The following PREX1 variants were observed in gnomAD, a reference collection of about 807,000 sequenced individuals.
PREX1 encodes phosphatidylinositol 3,4,5-trisphosphate-dependent Rac exchanger 1 protein.
In PREX1, 41 loss-of-function variants were observed where a neutral mutation model predicts 198.3. The ratio of observed to expected loss-of-function variants is 0.21; its 90% CI spans 0.16 to 0.27. PREX1 has a LOEUF of 0.27. Among genes scored for constraint, PREX1 ranks in the 10% least tolerant of loss-of-function variants. PREX1 has a pLI of 1.00. For synonymous variants in PREX1, 843 were observed against 887.2 expected (o/e 0.95, Z 0.89); for missense variants, 1,620 against 2,200.7 (o/e 0.74, Z 5.28).
the PREX1 span, among the ~76,000 whole-genome samples, chr20:48,840,666 G>A: frequency 6.6e-6 from 1 of 152,166 alleles, no homozygotes; most frequent in Non-Finnish European, 1.5e-5. Flanking sequence ...CTACCAAGGG[G>A]TCATTGCTAG....
At chr20:48,835,003 C>T in the PREX1 span, among the ~76,000 whole-genome samples, 5 of 152,230 alleles carry the variant, frequency 3.3e-5, no homozygotes, top group Admixed American at 2.0e-4. Flanking sequence ...CTGACACCAG[C>T]CTCAGCCTCC....
intron 9 of PREX1, 46 bp from the exon 10 acceptor site, chr20:48,688,850 G>T: frequency 6.2e-7 from 1 of 1,611,280 alleles, no homozygotes. Flanking sequence ...CAGGCCCAGG[G>T]CAGGGGGGGT....
chr20:48,753,373 G>A lies in PREX1; in HGVS notation c.220-5493C>T, dbSNP rs2090142512. ...CACCTGTCGCCCTAACCTGAGCCCA[G>A]TGGTTCTCAACTTGGGGGTGATTTT... On this transcript the variant is annotated intron_variant, in intron 1 of 39. Transcript: ENST00000371941. Among the ~76,000 whole-genome samples, 3 of 152,292 alleles carry A rather than the reference G, an allele frequency of 2.0e-5. No individual in the cohort carries two copies. The South Asian group carries it at 6.2e-4, about 32-fold the overall frequency.
chr20:48,821,508 G>A (rs2090484588), intron 1 of PREX1, among the ~76,000 whole-genome samples: 1 of 152,176 alleles, frequency 6.6e-6, no homozygotes, highest in Non-Finnish European at 1.5e-5. Context: ...CAGGTTTGAG[G>A]GGCAGCCCAC....
At chr20:48,795,840 C>G (rs1269583320) in intron 1 of PREX1, among the ~76,000 whole-genome samples, 4 of 152,206 alleles carry the variant, frequency 2.6e-5, no homozygotes, top group African/African-American at 9.6e-5. Flanking sequence ...CCCAGGAGCT[C>G]AGCCCCAAGC....
At chr20:48,882,770 C>T in the PREX1 span, among the ~76,000 whole-genome samples, 1 of 151,914 alleles carries the variant, frequency 6.6e-6, no homozygotes, top group Non-Finnish European at 1.5e-5. Context: ...TTATTTTATC[C>T]TCACTAGTGG....
At chr20:48,707,192 G>A (rs897089995) in intron 6 of PREX1, among the ~76,000 whole-genome samples, 1 of 152,160 alleles carries the variant, frequency 6.6e-6, no homozygotes, top group Non-Finnish European at 1.5e-5. Context: ...AGCACAAGGG[G>A]TGGCCTCCAC....
intron 2 of PREX1, among the ~76,000 whole-genome samples, chr20:48,746,260 C>T (rs193177242): frequency 6.6e-6 from 1 of 152,294 alleles, no homozygotes. Flanking sequence ...TGAGCTCAGG[C>T]AATCTGCCTG....
At chr20:48,866,222 T>A in the PREX1 span, among the ~76,000 whole-genome samples, 2 of 152,300 alleles carry the variant, frequency 1.3e-5, no homozygotes, top group African/African-American at 4.8e-5. Flanking sequence ...TTTTTTACTT[T>A]GTGCATGTTT....
At chr20:48,702,044 TAC>T (rs1568831032) in intron 6 of PREX1, among the ~76,000 whole-genome samples, 2 of 151,904 alleles carry the variant, frequency 1.3e-5, no homozygotes, top group African/African-American at 4.8e-5. Context: ...ACCCCATCTC[TAC>T]AAAAATACAA....
intron 1 of PREX1, among the ~76,000 whole-genome samples, chr20:48,821,464 A>G (rs2090484305): frequency 6.6e-6 from 1 of 152,174 alleles, no homozygotes; most frequent in Non-Finnish European, 1.5e-5. Context: ...ACCTGGCCCC[A>G]TGTCTGGGGA....
chr20:48,882,072 G>T, the PREX1 span, among the ~76,000 whole-genome samples: 1 of 152,192 alleles, frequency 6.6e-6, no homozygotes, highest in East Asian at 1.9e-4. Flanking sequence ...CCATGCTACA[G>T]CATGTATCAG....
At chr20:48,722,291 G>A (rs1955653374) in intron 5 of PREX1, among the ~76,000 whole-genome samples, 1 of 152,166 alleles carries the variant, frequency 6.6e-6, no homozygotes, top group East Asian at 1.9e-4. Flanking sequence ...AAGGAAGGAG[G>A]CACCGACACG....
chr20:48,793,560 T>C lies in PREX1; in HGVS notation c.219+34082A>G, dbSNP rs191791143. Among the ~76,000 whole-genome samples, 85 of 152,350 alleles carry C rather than the reference T, an allele frequency of 5.6e-4. 1 individual carries two copies. Among genetic ancestry groups the C allele is most frequent in the Middle Eastern group, 3.4e-3 (1 of 294 alleles). On this transcript the variant is annotated intron_variant, in intron 1 of 39. Transcript: ENST00000371941. ...ATGTTCCTCTATATCCACATCGATG[T>C]TGAAAGTAGAGAGACAAAGTTAGGG...
intron 1 of PREX1, among the ~76,000 whole-genome samples, chr20:48,814,905 T>C (rs890623454): frequency 2.0e-5 from 3 of 151,982 alleles, no homozygotes; most frequent in Non-Finnish European, 2.9e-5. Flanking sequence ...ATGATGCCTG[T>C]AGGAGATGCA....
At chr20:48,782,960 C>T (rs1029041707) in intron 1 of PREX1, among the ~76,000 whole-genome samples, 2 of 152,112 alleles carry the variant, frequency 1.3e-5, no homozygotes, top group Admixed American at 6.5e-5. Flanking sequence ...GCTACAGCAA[C>T]AGGCCAAGCA....
At chr20:48,882,893 C>T in the PREX1 span, among the ~76,000 whole-genome samples, 1 of 144,746 alleles carries the variant, frequency 6.9e-6, no homozygotes. Context: ...AAAGGAGTGT[C>T]TATTCAAATT....
In PREX1 at chr20:48,827,312, G is replaced by A. The variant is rs1194667215; in HGVS notation, c.219+330C>T. Among the ~76,000 whole-genome samples, 1 of 152,242 alleles carries A rather than the reference G, an allele frequency of 6.6e-6. No homozygotes were observed. Among genetic ancestry groups the A allele is most frequent in the Non-Finnish European group, 1.5e-5 (1 of 68,038 alleles). Reference sequence around the variant, plus strand: ...AGGAGCGCCAGCTCCCGGCGCCGCCGGGGTCCCCAAGCCCCTGCATCGCGG... The same window carrying A: ...AGGAGCGCCAGCTCCCGGCGCCGCCAGGGTCCCCAAGCCCCTGCATCGCGG... On this transcript the variant is annotated intron_variant, in intron 1 of 39. Transcript: ENST00000371941. The surrounding 1 kb of genome is among the most constrained non-coding windows in gnomAD (Gnocchi z 4.1).
At chr20:48,840,171 C>T in the PREX1 span, among the ~76,000 whole-genome samples, 2 of 152,028 alleles carry the variant, frequency 1.3e-5, no homozygotes, top group Admixed American at 6.6e-5. Flanking sequence ...CTTGCCACCA[C>T]ATCAGGCTAA....
Sources: gnomAD v4.1 joint callset for allele counts (sites outside exome capture counted in the v4.1 genomes callset) on GRCh38, gnomAD v4.1.1 for gene constraint, Gnocchi (gnomAD v3.1) non-coding constraint, MANE v1.5 for transcripts, NCBI Gene and HGNC (gene_info 2026-07-23, HGNC 2026-07-21) for gene names.